ANKS1A: variants seen among roughly 807,000 people sequenced by gnomAD.
ANKS1A encodes ankyrin repeat and sterile alpha motif domain containing 1A, also known as ankyrin repeat and SAM domain-containing protein 1A.
Under a neutral mutation model 120.3 loss-of-function variants are expected in ANKS1A, and 55 were observed. The ratio of observed to expected loss-of-function variants is 0.46; its 90% CI spans 0.37 to 0.57. The LOEUF is 0.57. Ranked by LOEUF, ANKS1A falls within the 20% of genes least tolerant of loss-of-function variation. The pLI, the probability that ANKS1A is intolerant of heterozygous loss-of-function variation, is 0.00. For synonymous variants in ANKS1A, 590 were observed against 604.7 expected (o/e 0.98, Z 0.36); for missense variants, 1,123 against 1,480.3 (o/e 0.76, Z 3.96).
intron 1 of ANKS1A, among the ~76,000 whole-genome samples, chr6:34,936,328 T>C (rs1473837344): frequency 6.6e-6 from 1 of 152,208 alleles, no homozygotes; most frequent in African/African-American, 2.4e-5. Context: ...ATTCTGATTG[T>C]GCCTGTCCTC....
intron 11 of ANKS1A, 63 bp from the exon 12 acceptor site, chr6:35,054,036 T>G: frequency 5.3e-5 from 75 of 1,409,700 alleles, no homozygotes; most frequent in Non-Finnish European, 6.9e-5. Flanking sequence ...GGCGCTGTGG[T>G]GAGCTGGTAA....
At chr6:34,891,363 G>A (rs1416161160) in intron 1 of ANKS1A, among the ~76,000 whole-genome samples, 1 of 152,188 alleles carries the variant, frequency 6.6e-6, no homozygotes, top group East Asian at 1.9e-4. Flanking sequence ...TATATTCTCA[G>A]TCCCTAGATC....
At chr6:35,091,644 C>T (rs1196820604), downstream of ANKS1A, among the ~76,000 whole-genome samples, 6 of 152,234 alleles carry the variant, frequency 3.9e-5, no homozygotes, top group Non-Finnish European at 8.8e-5. Context: ...TTAGGAACAT[C>T]GTTCTGTGAA....
rs1777878897 is a variant in ANKS1A at position 35,084,839 on chromosome 6, T to C, written c.3132+581T>C. Reference sequence around the variant, plus strand: ...ATGCCACTGGGCCGAGGAGAGTTCATTCTCACACAGCTGCCCACAGGGAGC... The same window carrying C: ...ATGCCACTGGGCCGAGGAGAGTTCACTCTCACACAGCTGCCCACAGGGAGC... On this transcript the variant is annotated intron_variant, in intron 21 of 23. Transcript: ENST00000360359. This position sits in a 1 kb window ranked among gnomAD's most constrained non-coding sequence, Gnocchi z 4.8. Among the ~76,000 whole-genome samples the C allele has an allele frequency of 6.6e-6, 1 of 152,140 alleles. No homozygotes were observed. Among genetic ancestry groups the C allele is most frequent in the South Asian group, 2.1e-4 (1 of 4,824 alleles).
At chr6:34,909,112 T>G (rs1767782202) in intron 1 of ANKS1A, among the ~76,000 whole-genome samples, 1 of 152,204 alleles carries the variant, frequency 6.6e-6, no homozygotes, top group Non-Finnish European at 1.5e-5. Flanking sequence ...ATCACTGTTC[T>G]GACCTTGATC....
downstream of ANKS1A, among the ~76,000 whole-genome samples, chr6:35,092,062 G>C (rs533059198): frequency 3.0e-4 from 46 of 152,320 alleles, no homozygotes; most frequent in Admixed American, 8.5e-4. Flanking sequence ...TTCCAGCTCT[G>C]CTAGCTTTCC....
intron 1 of ANKS1A, among the ~76,000 whole-genome samples, chr6:34,962,507 GC>G (rs1477516743): frequency 6.6e-6 from 1 of 152,050 alleles, no homozygotes; most frequent in African/African-American, 2.4e-5. Flanking sequence ...CCAACTCTTG[GC>G]CAGGCGCTGT....
At chr6:34,931,150 CTTT>C (rs71538282) in intron 1 of ANKS1A, among the ~76,000 whole-genome samples, 3 of 134,756 alleles carry the variant, frequency 2.2e-5, no homozygotes. Context: ...AGGCTGTTTT[CTTT>C]TTTTTTTTTT....
intron 1 of ANKS1A, 42 bp from the exon 2 acceptor site, chr6:34,967,197 T>C (rs756086879): frequency 1.3e-6 from 2 of 1,596,790 alleles, no homozygotes. Flanking sequence ...GTGACTTCGG[T>C]CTGTGAAATC....
intron 11 of ANKS1A, among the ~76,000 whole-genome samples, chr6:35,041,304 A>G (rs1775445731): frequency 6.6e-6 from 1 of 152,210 alleles, no homozygotes; most frequent in African/African-American, 2.4e-5. Flanking sequence ...CTTACAAAAC[A>G]GCTGAGACTG....
At chr6:35,081,684 G>T (rs903465281) in intron 17 of ANKS1A, among the ~76,000 whole-genome samples, 2 of 152,210 alleles carry the variant, frequency 1.3e-5, no homozygotes, top group East Asian at 3.9e-4. Flanking sequence ...CCCGTGGGGG[G>T]CACCGCTGGA....
chr6:35,015,726 T>G (rs1773965436), intron 10 of ANKS1A, among the ~76,000 whole-genome samples: 1 of 152,230 alleles, frequency 6.6e-6, no homozygotes, highest in Non-Finnish European at 1.5e-5. Context: ...CTCAGCGAGT[T>G]GGGCTCACTG....
At chr6:34,918,745 A>G (rs1457575077) in intron 1 of ANKS1A, among the ~76,000 whole-genome samples, 1 of 152,204 alleles carries the variant, frequency 6.6e-6, no homozygotes, top group Non-Finnish European at 1.5e-5. Flanking sequence ...CAAAAAGCTG[A>G]CAACACACAT....
chr6:34,988,953 T>G (rs1772361807), intron 8 of ANKS1A, among the ~76,000 whole-genome samples: 1 of 152,210 alleles, frequency 6.6e-6, no homozygotes, highest in Non-Finnish European at 1.5e-5. Flanking sequence ...TTATGTGTTC[T>G]CAGTACTGGC....
At chr6:34,979,585 T>C (rs952907126) in intron 3 of ANKS1A, among the ~76,000 whole-genome samples, 5 of 152,190 alleles carry the variant, frequency 3.3e-5, no homozygotes, top group African/African-American at 9.6e-5. Context: ...AAAGTTTTTT[T>C]GTTTTTTTGG....
At chr6:35,077,760 C>A (rs1702096748) in intron 13 of ANKS1A, among the ~76,000 whole-genome samples, 1 of 152,188 alleles carries the variant, frequency 6.6e-6, no homozygotes, top group Non-Finnish European at 1.5e-5. Context: ...AAATTTCTGA[C>A]CTCTGTGTGC....
intron 11 of ANKS1A, among the ~76,000 whole-genome samples, chr6:35,038,490 A>C (rs1177044328): frequency 6.6e-6 from 1 of 151,444 alleles, no homozygotes; most frequent in African/African-American, 2.4e-5. Context: ...TTTTAATTTT[A>C]TTTTTTTTAG....
chr6:34,928,533 CT>C (rs35762253), intron 1 of ANKS1A, among the ~76,000 whole-genome samples: 12,834 of 148,042 alleles, frequency 0.087, 702 homozygotes, highest in East Asian at 0.33. Context: ...TTAGAGGAGT[CT>C]TTTTTTTTTT....
intron 13 of ANKS1A, among the ~76,000 whole-genome samples, chr6:35,071,886 G>A (rs1196967425): frequency 6.6e-6 from 1 of 152,248 alleles, no homozygotes; most frequent in Non-Finnish European, 1.5e-5. Context: ...AGTGTGGAGG[G>A]AGAGGGAGTC....
Sources: gnomAD v4.1 joint callset for allele counts (sites outside exome capture counted in the v4.1 genomes callset) on GRCh38, gnomAD v4.1.1 for gene constraint, Gnocchi (gnomAD v3.1) non-coding constraint, MANE v1.5 for transcripts, NCBI Gene and HGNC (gene_info 2026-07-23, HGNC 2026-07-21) for gene names.